SLC39A11: variants seen among roughly 807,000 people sequenced by gnomAD.
The protein encoded by SLC39A11 is zinc transporter ZIP11.
In SLC39A11, 33 loss-of-function variants were observed where a neutral mutation model predicts 36.1. The ratio of observed to expected loss-of-function variants is 0.91; its 90% CI spans 0.69 to 1.22. The LOEUF (loss-of-function observed/expected upper bound fraction) is 1.22. Among genes scored for constraint, SLC39A11 ranks in the 50% most tolerant of loss-of-function variants. The pLI is 0.00. For synonymous variants in SLC39A11, 166 were observed against 170.3 expected, an observed-to-expected ratio of 0.97 and a Z score of 0.20; for missense variants, 432 against 430.3, an observed-to-expected ratio of 1.00 and a Z score of -0.03.
At chr17:73,030,452 A>G (rs1280869073) in intron 4 of SLC39A11, among the ~76,000 whole-genome samples, 1 of 152,182 alleles carries the variant, frequency 6.6e-6, no homozygotes, top group Admixed American at 6.5e-5. Context: ...CCACTTGGGA[A>G]GTTAAGGAAA....
At chr17:73,002,644 G>A (rs1396584677) in intron 4 of SLC39A11, among the ~76,000 whole-genome samples, 2 of 152,170 alleles carry the variant, frequency 1.3e-5, no homozygotes, top group Non-Finnish European at 2.9e-5. Context: ...ACACTATGGG[G>A]AGAACTAAAG....
intron 6 of SLC39A11, among the ~76,000 whole-genome samples, chr17:72,752,131 G>T (rs2075178094): frequency 6.6e-6 from 1 of 152,156 alleles, no homozygotes; most frequent in African/African-American, 2.4e-5. Flanking sequence ...GGATGTGTGG[G>T]TGATAAACTT....
intron 5 of SLC39A11, among the ~76,000 whole-genome samples, chr17:72,934,687 C>A (rs761072525): frequency 1.3e-5 from 2 of 152,158 alleles, no homozygotes; most frequent in African/African-American, 4.8e-5. Flanking sequence ...CCTCTCAAAA[C>A]TCTACCATAA....
intron 4 of SLC39A11, among the ~76,000 whole-genome samples, chr17:73,016,122 C>T (rs2058156228): frequency 6.6e-6 from 1 of 152,094 alleles, no homozygotes; most frequent in Non-Finnish European, 1.5e-5. Context: ...TGCCTATATG[C>T]TTTTCTGAAG....
At chr17:72,664,643 C>T (rs1035765156) in intron 7 of SLC39A11, among the ~76,000 whole-genome samples, 3 of 152,176 alleles carry the variant, frequency 2.0e-5, no homozygotes, top group African/African-American at 7.2e-5. Flanking sequence ...AAACTCTATT[C>T]TCTGCAAATT....
intron 3 of SLC39A11, among the ~76,000 whole-genome samples, chr17:73,043,058 CAT>C (rs1216441045): frequency 1.3e-5 from 2 of 152,044 alleles, no homozygotes; most frequent in Non-Finnish European, 2.9e-5. Context: ...CTACAGAAGA[CAT>C]ATGATAGGAT....
At chr17:72,808,000 A>G (rs892083773) in intron 6 of SLC39A11, among the ~76,000 whole-genome samples, 3 of 152,136 alleles carry the variant, frequency 2.0e-5, no homozygotes, top group South Asian at 4.2e-4. Flanking sequence ...TTAAATTGTA[A>G]GGCACCAAAT....
chr17:72,941,105 C>G (rs1325925777), intron 5 of SLC39A11, among the ~76,000 whole-genome samples: 1 of 151,908 alleles, frequency 6.6e-6, no homozygotes, highest in Non-Finnish European at 1.5e-5. Flanking sequence ...AATGCCATCT[C>G]TACAAAAAAA....
chr17:72,757,658 T>TA (rs1353165783), intron 6 of SLC39A11, among the ~76,000 whole-genome samples: 8 of 150,046 alleles, frequency 5.3e-5, no homozygotes, highest in African/African-American at 7.4e-5. Flanking sequence ...TTTTTTTTTT[T>TA]ATCCCTTCCT....
intron 7 of SLC39A11, among the ~76,000 whole-genome samples, chr17:72,699,801 TC>T (rs1268013176): frequency 1.3e-5 from 2 of 152,146 alleles, no homozygotes; most frequent in Middle Eastern, 3.2e-3. Context: ...TGCTGTTAAC[TC>T]CACCGCATGT....
At chr17:72,823,942 G>A (rs1238520542) in intron 6 of SLC39A11, 1 of 151,236 alleles carries the variant, frequency 6.6e-6, no homozygotes, top group African/African-American at 2.4e-5. Flanking sequence ...TGGGATTCTA[G>A]GTGAGAAAGA....
intron 7 of SLC39A11, among the ~76,000 whole-genome samples, chr17:72,663,381 C>T (rs972240474): frequency 6.6e-6 from 1 of 152,104 alleles, no homozygotes; most frequent in East Asian, 1.9e-4. Context: ...AGAGCAGATC[C>T]GCCTGCGTTG....
At chr17:72,868,225 A>G (rs1296554244) in intron 5 of SLC39A11, among the ~76,000 whole-genome samples, 4 of 152,196 alleles carry the variant, frequency 2.6e-5, no homozygotes, top group Non-Finnish European at 4.4e-5. Context: ...TCCCCATCCC[A>G]TGCTAACTAT....
intron 3 of SLC39A11, among the ~76,000 whole-genome samples, chr17:73,046,235 T>C (rs935621574): frequency 6.6e-6 from 1 of 152,166 alleles, no homozygotes; most frequent in Non-Finnish European, 1.5e-5. Flanking sequence ...ATCTTCAAGG[T>C]CAAGGGAAAA....
intron 4 of SLC39A11, among the ~76,000 whole-genome samples, chr17:72,963,792 T>C (rs1444363408): frequency 6.6e-6 from 1 of 152,168 alleles, no homozygotes; most frequent in Non-Finnish European, 1.5e-5. Context: ...CCAGGGAAGA[T>C]ATCTGTGTTG....
At chr17:72,888,125 C>G (rs1488536829) in intron 5 of SLC39A11, among the ~76,000 whole-genome samples, 1 of 152,206 alleles carries the variant, frequency 6.6e-6, no homozygotes, top group Non-Finnish European at 1.5e-5. Flanking sequence ...TGAGTCAGTA[C>G]TGAATAACTA....
intron 7 of SLC39A11, among the ~76,000 whole-genome samples, chr17:72,681,402 G>T (rs1484556547): frequency 2.0e-5 from 3 of 152,216 alleles, no homozygotes; most frequent in Admixed American, 6.5e-5. Flanking sequence ...GGCTATAGCT[G>T]CTGTGGGTGG....
rs1491067723 is a variant in SLC39A11, at chr17:72,798,408, TTC to T, written c.601+51224_601+51225del. On this transcript the variant is annotated intron_variant, in intron 6 of 9. Transcript: ENST00000255559. ...GAGACTGAGCTCTGGTCTCTTCCAC[TTC>T]TTTCTTTCTTTTTTTTTTTTTGAGA... Among the ~76,000 whole-genome samples, 12 of 99,996 alleles carry T rather than the reference TTC, an allele frequency of 1.2e-4. No homozygotes were observed. The East Asian group carries it at 2.5e-3, about 21-fold the overall frequency. The allele number at this position is 99,996 out of a possible 152,430, so 65.6% of individuals were successfully genotyped here. A position where few individuals can be genotyped will look rare whatever the true frequency, so the allele number is the denominator to read the frequency against.
chr17:73,005,807 C>T (rs2090144248), intron 4 of SLC39A11, among the ~76,000 whole-genome samples: 1 of 152,084 alleles, frequency 6.6e-6, no homozygotes, highest in African/African-American at 2.4e-5. Flanking sequence ...AAATATTAGC[C>T]AGGTGTGGTG....
Sources: allele counts gnomAD v4.1 joint callset (sites outside exome capture counted in the v4.1 genomes callset), GRCh38; gene constraint gnomAD v4.1.1; transcripts MANE v1.5; gene names NCBI Gene and HGNC (gene_info 2026-07-23, HGNC 2026-07-21).